The following CDKL5 variants were observed in gnomAD, a reference collection of about 807,000 sequenced individuals.
The protein encoded by CDKL5 is cyclin dependent kinase like 5.
A neutral mutation model predicts 61.7 loss-of-function variants in CDKL5; 8 were observed. That is an observed-to-expected ratio of 0.13 (90% CI 0.08 to 0.23). The LOEUF is 0.23. Among genes scored for constraint, CDKL5 ranks in the 10% least tolerant of loss-of-function variants. The pLI is 1.00. For synonymous variants in CDKL5, 275 were observed against 272.3 expected, an observed-to-expected ratio of 1.01 and a Z score of -0.10; for missense variants, 440 against 734.5, an observed-to-expected ratio of 0.60 and a Z score of 4.63.
At chrX:18,582,522 A>G (rs1343696285) in intron 7 of CDKL5, among the ~76,000 whole-genome samples, 1 of 111,697 alleles carries the variant, frequency 9.0e-6, no homozygotes, top group Non-Finnish European at 1.9e-5. Flanking sequence ...TCTATTAAAC[A>G]TTTAAATTAA....
At position 18,625,128 on chromosome X, in the gene CDKL5, G is replaced by T; in HGVS notation, c.2377G>T (p.Val793Leu). ...AATGCTTGTCCATATTTTGCTCTAG[G>T]TACCCAATTCCGACAGCCCTGATCT... ...MKKKKKKSQTVPNSDSPDLLT... is the reference protein window; with the variant it reads ...MKKKKKKSQTLPNSDSPDLLT... The change falls in exon 17 of 18, where the codon GTA becomes TTA. Residue 793 changes from valine to leucine, a missense_variant and splice_region_variant. By Grantham distance (32) the Val-to-Leu change is conservative. Transcript: ENST00000623535. 1.7e-6 allele frequency: 2 copies of T among 1,207,570 alleles called. No individual in the cohort carries two copies. The highest frequency in any genetic ancestry group is 2.2e-6 in the Non-Finnish European group (2 of 893,355).
chrX:18,533,014 A>C (rs1233764964), intron 3 of CDKL5, among the ~76,000 whole-genome samples: 2 of 112,132 alleles, frequency 1.8e-5, no homozygotes, highest in African/African-American at 3.2e-5. Context: ...ATTAAAATGA[A>C]TATTTGTCTT....
At chrX:18,428,723 GTTT>G (rs150749996) in intron 1 of CDKL5, among the ~76,000 whole-genome samples, 1 of 91,413 alleles carries the variant, frequency 1.1e-5, no homozygotes, top group Non-Finnish European at 2.2e-5. Context: ...AGATTTTAAA[GTTT>G]TTTTTTTTTT....
chrX:18,555,573 A>G (rs368258478), intron 3 of CDKL5, among the ~76,000 whole-genome samples: 1 of 111,978 alleles, frequency 8.9e-6, no homozygotes, highest in African/African-American at 3.3e-5. Context: ...AAGCCAAAAT[A>G]TTATCAACTG....
intron 1 of CDKL5, among the ~76,000 whole-genome samples, chrX:18,474,576 A>G (rs1921232564): frequency 8.9e-6 from 1 of 112,392 alleles, no homozygotes; most frequent in African/African-American, 3.2e-5. Context: ...CAATAATCAA[A>G]CACACCTTGT....
chrX:18,648,652 A>G (rs1045955707), intron 20 of CDKL5, among the ~76,000 whole-genome samples: 90 of 112,162 alleles, frequency 8.0e-4, no homozygotes, highest in African/African-American at 2.8e-3. Context: ...CCCAGGTGAC[A>G]TAACTTCTGA....
intron 21 of CDKL5, among the ~76,000 whole-genome samples, chrX:18,651,264 T>TGTGTGTGTGTGTGAGA (rs1491242962): frequency 1.4e-5 from 1 of 69,008 alleles, no homozygotes; most frequent in African/African-American, 6.3e-5. Flanking sequence ...TGTGTGTGTG[T>TGTGTGTGTGTGTGAGA]GAGAGAGAGA....
chrX:18,598,327 TA>T, intron 10 of CDKL5, 134 bp from the exon 11 acceptor site: 1 of 485,279 alleles, frequency 2.1e-6, no homozygotes, highest in Non-Finnish European at 3.5e-6. Context: ...TTTTTTTTTT[TA>T]TTTCCTGAAC....
At chrX:18,564,780 A>G (rs758061796) in intron 4 of CDKL5, among the ~76,000 whole-genome samples, 20 of 110,858 alleles carry the variant, frequency 1.8e-4, no homozygotes, top group Non-Finnish European at 3.4e-4. Flanking sequence ...TAAGGTTGCA[A>G]GCAGCATTGG....
rs568567550 is a variant in CDKL5, at chrX:18,505,143, A to G, written c.-162-1792A>G. On this transcript the variant is annotated intron_variant, in intron 1 of 17. Transcript: ENST00000623535. Reference sequence around the variant, plus strand: ...TAGTGCAAAGAATTTCCTACTTCCTATACCCTTGACCTAGATTTTCCAAGT... The same window carrying G: ...TAGTGCAAAGAATTTCCTACTTCCTGTACCCTTGACCTAGATTTTCCAAGT... Among the ~76,000 whole-genome samples the G allele has an allele frequency of 4.3e-4, 48 of 111,393 alleles. No individual in the cohort carries two copies. The South Asian group carries it at 0.017, about 39-fold the overall frequency.
rs779960805 is a variant in CDKL5 at position 18,604,291 on chromosome X, G to C, written c.1367G>C (p.Gly456Ala). 8.3e-7 allele frequency: 1 copy of C among 1,209,892 alleles called. No individual in the cohort carries two copies. Among genetic ancestry groups the C allele is most frequent in the Non-Finnish European group, 1.1e-6 (1 of 895,099 alleles). The change falls in exon 12 of 18, where the codon GGG becomes GCG. Residue 456 changes from glycine to alanine, a missense_variant. By Grantham distance (60) the Gly-to-Ala change is moderately conservative. Transcript: ENST00000623535. ...ATGGAAAGCTCTCAAAGCAAAGCTG[G>C]GACACTGCAGCCCAATGAAAAGCAG... ...SFMESSQSKAGTLQPNEKQSR... is the reference protein window; with the variant it reads ...SFMESSQSKAATLQPNEKQSR...
At chrX:18,643,658 C>G (rs547119198), downstream of CDKL5, among the ~76,000 whole-genome samples, 18 of 111,828 alleles carry the variant, frequency 1.6e-4, no homozygotes, top group East Asian at 4.8e-3. Flanking sequence ...ACGTCTTGGC[C>G]GTACAAATTG....
chrX:18,436,729 A>T (rs1931615975), intron 1 of CDKL5, among the ~76,000 whole-genome samples: 2 of 108,091 alleles, frequency 1.9e-5, no homozygotes, highest in African/African-American at 6.8e-5. Flanking sequence ...GCAAAACCCC[A>T]TTTCTACAAA....
intron 3 of CDKL5, among the ~76,000 whole-genome samples, chrX:18,546,724 A>G (rs1488694165): frequency 1.8e-5 from 2 of 111,760 alleles, no homozygotes; most frequent in African/African-American, 6.5e-5. Flanking sequence ...CACAGAGTTA[A>G]GTGAGGTACC....
At chrX:18,507,259 A>G (rs982158225) in intron 2 of CDKL5, 99 bp downstream of exon 2, 21 of 579,485 alleles carry the variant, frequency 3.6e-5, no homozygotes, top group Non-Finnish European at 6.4e-5. Flanking sequence ...AATTTAACCT[A>G]TATCAATTCA....
Position 18,560,196 on chromosome X carries a change from A to T in CDKL5, c.100-4281A>T, listed in dbSNP as rs999644582. On this transcript the variant is annotated intron_variant, in intron 3 of 17. Coordinates refer to ENST00000623535, the MANE Select transcript of CDKL5 (RefSeq NM_001323289.2). ...TGGTATTTCTAGTTCTAGATCCCTA[A>T]GGAATCGCCACACTAACTTCCACAA... Among the ~76,000 whole-genome samples the T allele has an allele frequency of 9.7e-4, 109 of 111,810 alleles. 1 individual carries two copies. The highest frequency in any genetic ancestry group is 1.9e-3 in the Non-Finnish European group (101 of 53,157).
intron 1 of CDKL5, among the ~76,000 whole-genome samples, chrX:18,500,723 T>G (rs1922350812): frequency 8.9e-6 from 1 of 112,201 alleles, no homozygotes; most frequent in African/African-American, 3.2e-5. Flanking sequence ...ATCAGTTATA[T>G]TCATATAAAA....
chrX:18,498,074 TCCGCCTCAGCCTTCCAAAGTG>T (rs1339361380), intron 1 of CDKL5, among the ~76,000 whole-genome samples: 9 of 110,347 alleles, frequency 8.2e-5, no homozygotes, highest in Middle Eastern at 4.7e-3. Flanking sequence ...AAGTGATCCT[TCCGCCTCAGCCTTCCAAAGTG>T]CCGCCTCAGC....
chrX:18,615,924 A>C (rs746639732), intron 15 of CDKL5, among the ~76,000 whole-genome samples: 2 of 112,373 alleles, frequency 1.8e-5, no homozygotes, highest in East Asian at 5.6e-4. Flanking sequence ...CATCTCAGTT[A>C]TGTAGAACCC....
Sources: gnomAD v4.1 joint callset for allele counts (sites outside exome capture counted in the v4.1 genomes callset) on GRCh38, gnomAD v4.1.1 for gene constraint, MANE v1.5 for transcripts, NCBI Gene and HGNC (gene_info 2026-07-23, HGNC 2026-07-21) for gene names.